ABCA3: variants seen among roughly 807,000 people sequenced by gnomAD.
ABCA3 encodes the protein ATP binding cassette subfamily A member 3, also known as phospholipid-transporting ATPase ABCA3.
A neutral mutation model predicts 172.8 loss-of-function variants in ABCA3; 88 were observed. That is an observed-to-expected ratio of 0.51 (90% CI 0.43 to 0.61). The LOEUF is 0.61. ABCA3 is among the 20% of genes least tolerant of loss of function. ABCA3 has a pLI of 0.00. For synonymous variants in ABCA3, 1,066 were observed against 983.8 expected (o/e 1.08, Z -1.56); for missense variants, 2,164 against 2,301.0 (o/e 0.94, Z 1.22).
intron 7 of ABCA3, among the ~76,000 whole-genome samples, chr16:2,322,155 G>A (rs1211485066): frequency 6.7e-6 from 1 of 149,888 alleles, no homozygotes; most frequent in Non-Finnish European, 1.5e-5. Context: ...CCGAGGTCGC[G>A]CCACTGCACT....
intron 18 of ABCA3, among the ~76,000 whole-genome samples, chr16:2,293,000 C>A (rs2093674442): frequency 6.6e-6 from 1 of 152,160 alleles, no homozygotes; most frequent in Non-Finnish European, 1.5e-5. Flanking sequence ...CCCCCTAATC[C>A]CCCTATAGAA....
intron 5 of ABCA3, among the ~76,000 whole-genome samples, chr16:2,325,525 C>A (rs1457722458): frequency 2.6e-5 from 4 of 152,156 alleles, no homozygotes; most frequent in Non-Finnish European, 5.9e-5. Flanking sequence ...AGTCTTAGGG[C>A]CATCAGGCAA....
chr16:2,306,009 C>A (rs2093697103), intron 11 of ABCA3, among the ~76,000 whole-genome samples: 2 of 152,150 alleles, frequency 1.3e-5, no homozygotes, highest in South Asian at 2.1e-4. Context: ...TGCTCTCCAG[C>A]CTTGGTGAAT....
At chr16:2,319,268 A>G (rs889844169) in intron 8 of ABCA3, among the ~76,000 whole-genome samples, 5 of 151,982 alleles carry the variant, frequency 3.3e-5, no homozygotes, top group East Asian at 3.9e-4. Context: ...GGCGGATCAC[A>G]AGGTCAGGAG....
intron 10 of ABCA3, among the ~76,000 whole-genome samples, chr16:2,312,721 G>A (rs948666035): frequency 1.3e-5 from 2 of 151,764 alleles, no homozygotes; most frequent in African/African-American, 2.4e-5. Flanking sequence ...TAGTAGAGAC[G>A]GGGTTTCACC....
chr16:2,290,945 C>A (rs1425545169), intron 19 of ABCA3, among the ~76,000 whole-genome samples: 2 of 152,164 alleles, frequency 1.3e-5, no homozygotes, highest in African/African-American at 4.8e-5. Flanking sequence ...TCTCAGCTCA[C>A]TGCAACCTCC....
intron 7 of ABCA3, among the ~76,000 whole-genome samples, chr16:2,320,909 C>T (rs1418388068): frequency 6.6e-6 from 1 of 151,146 alleles, no homozygotes; most frequent in Non-Finnish European, 1.5e-5. Flanking sequence ...TTCTTAATAA[C>T]AAAACTTTTT....
rs2093682094 is a variant in ABCA3, at chr16:2,297,689, G to A, written c.2052+77C>T. On this transcript the variant is annotated intron_variant, in intron 16 of 32. Coordinates refer to ENST00000301732, the MANE Select transcript of ABCA3 (RefSeq NM_001089.3). This position sits in a 1 kb window ranked among gnomAD's most constrained non-coding sequence, Gnocchi z 5.6. ...CTTGTCTGGGGTGTCAAGGGCCAAG[G>A]TGCCCGGGCCATGGCGGAAGGGCCA... The A allele has an allele frequency of 1.3e-6, 2 of 1,599,080 alleles. No individual in the cohort carries two copies. Among genetic ancestry groups the A allele is most frequent in the African/African-American group, 1.3e-5 (1 of 74,926 alleles).
At chr16:2,303,567 G>A (rs930327194) in intron 12 of ABCA3, among the ~76,000 whole-genome samples, 1 of 152,232 alleles carries the variant, frequency 6.6e-6, no homozygotes, top group South Asian at 2.1e-4. Context: ...ACCACGCCTG[G>A]CCGAATGTGA....
At chr16:2,292,311 C>G in intron 18 of ABCA3, 73 bp from the exon 19 acceptor site, 2 of 1,341,472 alleles carry the variant, frequency 1.5e-6, no homozygotes, top group Non-Finnish European at 2.1e-6. Context: ...AAGCATCACC[C>G]CCCCTCGGCC....
chr16:2,304,500 C>CTTT lies in ABCA3; in HGVS notation c.1286-353_1286-351dup, dbSNP rs34874417. On this transcript the variant is annotated intron_variant, in intron 11 of 32. Coordinates refer to ENST00000301732, the MANE Select transcript of ABCA3 (RefSeq NM_001089.3). Reference sequence around the variant, plus strand: ...GGGTCAATGTGCATTTAGCATAAGTCTTTTTTTTTTTTTTTTTTTTTTTTG... The same window carrying CTTT: ...GGGTCAATGTGCATTTAGCATAAGTCTTTTTTTTTTTTTTTTTTTTTTTTTTTG... Among the ~76,000 whole-genome samples, 172 of 84,050 alleles carry CTTT rather than the reference C, an allele frequency of 2.0e-3. 1 individual carries two copies. Among genetic ancestry groups the CTTT allele is most frequent in the Middle Eastern group, 9.6e-3 (1 of 104 alleles). 55.1% of individuals were successfully genotyped at this position (84,050 alleles called of 152,430 possible). A position where few individuals can be genotyped will look rare whatever the true frequency, so the allele number is the denominator to read the frequency against.
intron 11 of ABCA3, among the ~76,000 whole-genome samples, chr16:2,306,458 T>C (rs1245896389): frequency 6.6e-6 from 1 of 152,214 alleles, no homozygotes; most frequent in African/African-American, 2.4e-5. Context: ...ACCGTTCTAA[T>C]GAAAGACAAA....
chr16:2,302,667 T>C (rs1840483574), intron 12 of ABCA3, among the ~76,000 whole-genome samples: 1 of 152,094 alleles, frequency 6.6e-6, no homozygotes, highest in African/African-American at 2.4e-5. Flanking sequence ...ATTTATTTTG[T>C]AGAGATGGGG....
chr16:2,318,464 A>G (rs2141731401), intron 8 of ABCA3, among the ~76,000 whole-genome samples: 1 of 152,138 alleles, frequency 6.6e-6, no homozygotes, highest in African/African-American at 2.4e-5. Context: ...AAGTTAATTA[A>G]AAATAAAGTT....
Position 2,275,978 on chromosome 16 carries a change from G to A in ABCA3, c.*696C>T. The A allele has an allele frequency of 4.4e-6, 1 of 228,306 alleles. No homozygotes were observed. The highest frequency in any genetic ancestry group is 8.9e-6 in the Non-Finnish European group (1 of 112,724). 14.1% of individuals were successfully genotyped at this position (228,306 alleles called of 1,614,324 possible). A position where few individuals can be genotyped will look rare whatever the true frequency, so the allele number is the denominator to read the frequency against. On this transcript the variant is annotated 3_prime_UTR_variant, in exon 33 of 33. Coordinates refer to ENST00000301732, the MANE Select transcript of ABCA3 (RefSeq NM_001089.3). ...CTTAGGGTGGTCCCTGCGTGTCCTG[G>A]GGCGGGCGACTTCCTGAGGGTGCAG...
At chr16:2,323,227 C>A in intron 7 of ABCA3, 1 of 494,888 alleles carries the variant, frequency 2.0e-6, no homozygotes. Context: ...CTAGTTCAAC[C>A]ATTGTGGAAG....
intron 9 of ABCA3, 64 bp downstream of exon 9, chr16:2,317,584 G>A: frequency 1.3e-6 from 2 of 1,595,808 alleles, no homozygotes; most frequent in African/African-American, 1.3e-5. Flanking sequence ...CTTCCCAAGA[G>A]GGCCCTCCTG....
chr16:2,293,936 G>C (rs1596840479), intron 18 of ABCA3, among the ~76,000 whole-genome samples: 1 of 151,928 alleles, frequency 6.6e-6, no homozygotes, highest in African/African-American at 2.4e-5. Context: ...AAAGTGTTGG[G>C]ATTACAGGCA....
chr16:2,338,302 CCCA>C (rs1227432480), intron 1 of ABCA3, among the ~76,000 whole-genome samples: 2 of 152,206 alleles, frequency 1.3e-5, no homozygotes, highest in African/African-American at 2.4e-5. Context: ...CTCACTCTTC[CCCA>C]CAAGATGTGG....
Sources: allele counts gnomAD v4.1 joint callset (sites outside exome capture counted in the v4.1 genomes callset), GRCh38; gene constraint gnomAD v4.1.1; non-coding constraint Gnocchi (gnomAD v3.1); transcripts MANE v1.5; gene names NCBI Gene and HGNC (gene_info 2026-07-23, HGNC 2026-07-21).